DSCAML1: variants seen among roughly 807,000 people sequenced by gnomAD.
The protein encoded by DSCAML1 is DS cell adhesion molecule like 1, also known as cell adhesion molecule DSCAML1.
Under a neutral mutation model 200.5 loss-of-function variants are expected in DSCAML1, and 38 were observed. That is an observed-to-expected ratio of 0.19 (90% CI 0.15 to 0.25). The LOEUF (loss-of-function observed/expected upper bound fraction) is 0.25, where lower values mean the gene tolerates loss of function less well. Among genes scored for constraint, DSCAML1 ranks in the 10% least tolerant of loss-of-function variants. The pLI is 1.00. For synonymous variants in DSCAML1, 1,215 were observed against 1,165.0 expected, an observed-to-expected ratio of 1.04 and a Z score of -0.87; for missense variants, 2,223 against 2,858.8, an observed-to-expected ratio of 0.78 and a Z score of 5.07.
chr11:117,717,079 TA>T (rs1366708302), intron 3 of DSCAML1, among the ~76,000 whole-genome samples: 1 of 152,208 alleles, frequency 6.6e-6, no homozygotes, highest in Non-Finnish European at 1.5e-5. Flanking sequence ...TAGAGACTTC[TA>T]GGGGGAAGAA....
chr11:117,725,823 C>G (rs973990663), intron 3 of DSCAML1, among the ~76,000 whole-genome samples: 4 of 151,076 alleles, frequency 2.6e-5, no homozygotes, highest in African/African-American at 9.8e-5. Context: ...CAAAACAAAA[C>G]AAAACAAAAC....
intron 3 of DSCAML1, among the ~76,000 whole-genome samples, chr11:117,732,476 C>T (rs185173415): frequency 7.2e-5 from 11 of 152,268 alleles, no homozygotes; most frequent in Non-Finnish European, 1.2e-4. Context: ...GCCTGGCTGC[C>T]TCTATTATAA....
At chr11:117,528,388 C>T (rs1308172722) in intron 4 of DSCAML1, among the ~76,000 whole-genome samples, 1 of 152,230 alleles carries the variant, frequency 6.6e-6, no homozygotes, top group African/African-American at 2.4e-5. Context: ...AAACCTCTTC[C>T]ATTACTCCAG....
At chr11:117,462,935 CCT>C (rs1414838755) in intron 17 of DSCAML1, among the ~76,000 whole-genome samples, 2 of 152,236 alleles carry the variant, frequency 1.3e-5, no homozygotes, top group Non-Finnish European at 2.9e-5. Flanking sequence ...CTGATCTCTC[CCT>C]GTTGGAAATT....
intron 3 of DSCAML1, among the ~76,000 whole-genome samples, chr11:117,567,138 C>T (rs1327435247): frequency 2.0e-5 from 3 of 152,106 alleles, no homozygotes; most frequent in Admixed American, 2.0e-4. Context: ...GTTCTAGATC[C>T]CTGAGGAATC....
chr11:117,612,652 C>T (rs2051719859), intron 3 of DSCAML1, among the ~76,000 whole-genome samples: 1 of 152,240 alleles, frequency 6.6e-6, no homozygotes, highest in African/African-American at 2.4e-5. Context: ...CCTCCCCAGC[C>T]AGTGAGCCCT....
At chr11:117,798,256 A>G (rs1042339160), upstream of DSCAML1, among the ~76,000 whole-genome samples, 4 of 152,172 alleles carry the variant, frequency 2.6e-5, no homozygotes, top group African/African-American at 9.7e-5. Flanking sequence ...GGCAGACTCT[A>G]AGGTGTGGAG....
chr11:117,516,615 C>G lies in DSCAML1; in HGVS notation c.1635G>C (p.Leu545=). ...ACACCACCTGGCGGTGGTTGTCTGG[C>G]AGCAGCAGGGCATCCTTGTACCACT... ...SIKWYKDALL[L]PDNHRQVVFE... Residue 545 remains leucine, a synonymous_variant, in exon 8 of 33, where the codon CTG becomes CTC. Transcript: ENST00000651296. The surrounding 1 kb of genome is among the most constrained non-coding windows in gnomAD (Gnocchi z 5.7). The G allele has an allele frequency of 6.2e-7, 1 of 1,614,076 alleles. No homozygotes were observed. The highest frequency in any genetic ancestry group is 8.5e-7 in the Non-Finnish European group (1 of 1,180,018).
At chr11:117,541,883 C>T in intron 3 of DSCAML1, among the ~76,000 whole-genome samples, 1 of 140,530 alleles carries the variant, frequency 7.1e-6, no homozygotes, top group East Asian at 2.2e-4. Context: ...ACCTCTTCTT[C>T]GTTAGGTGAT....
chr11:117,518,781 C>T lies in DSCAML1; in HGVS notation c.1214-19G>A, dbSNP rs1259188965. ...GTGCCATCTGCAGGGAGCGAGAAGC[C>T]CCCTTCAGGGTCACCAAGCCATGGA... On this transcript the variant is annotated intron_variant, in intron 6 of 32. Coordinates refer to ENST00000651296, the MANE Select transcript of DSCAML1 (RefSeq NM_020693.4). This position sits in a 1 kb window ranked among gnomAD's most constrained non-coding sequence, Gnocchi z 6.3. 2 of 1,602,570 alleles carry T rather than the reference C, an allele frequency of 1.2e-6. No individual in the cohort carries two copies. Among genetic ancestry groups the T allele is most frequent in the Non-Finnish European group, 1.7e-6 (2 of 1,177,214 alleles).
chr11:117,596,349 G>C (rs1419791477), intron 3 of DSCAML1, among the ~76,000 whole-genome samples: 1 of 150,440 alleles, frequency 6.6e-6, no homozygotes, highest in Non-Finnish European at 1.5e-5. Context: ...GGAGTTCAGA[G>C]CATTTTCTGA....
chr11:117,623,740 C>T (rs879532577), intron 3 of DSCAML1, among the ~76,000 whole-genome samples: 7 of 152,182 alleles, frequency 4.6e-5, no homozygotes, highest in Non-Finnish European at 1.0e-4. Flanking sequence ...AGCCTGGCCC[C>T]TGCTATATAG....
At chr11:117,509,162 T>G (rs2137286936) in intron 8 of DSCAML1, among the ~76,000 whole-genome samples, 1 of 152,102 alleles carries the variant, frequency 6.6e-6, no homozygotes, top group African/African-American at 2.4e-5. Context: ...ATACAGATGC[T>G]GAGCTCAAGC....
intron 3 of DSCAML1, among the ~76,000 whole-genome samples, chr11:117,767,912 T>C (rs4936407): frequency 0.64 from 97,061 of 151,924 alleles, 33,827 homozygotes; most frequent in East Asian, 0.82. Flanking sequence ...TGCAGGTGCC[T>C]GCCGCGGGAC....
intron 3 of DSCAML1, among the ~76,000 whole-genome samples, chr11:117,755,521 C>G (rs1361200484): frequency 6.6e-6 from 1 of 152,176 alleles, no homozygotes; most frequent in Non-Finnish European, 1.5e-5. Flanking sequence ...GATTGTCATC[C>G]CTTTCCTACC....
chr11:117,588,727 C>T (rs968821141), intron 3 of DSCAML1, among the ~76,000 whole-genome samples: 1 of 152,130 alleles, frequency 6.6e-6, no homozygotes, highest in East Asian at 1.9e-4. Flanking sequence ...TCAGTGGGGC[C>T]AGTGGGGCAG....
At chr11:117,603,115 C>A (rs1056893476) in intron 3 of DSCAML1, among the ~76,000 whole-genome samples, 41 of 151,256 alleles carry the variant, frequency 2.7e-4, no homozygotes, top group Non-Finnish European at 5.2e-4. Flanking sequence ...ACAACAACAA[C>A]AACAAAAAAA....
Position 117,605,595 on chromosome 11 carries a change from G to A in DSCAML1, c.512-73073C>T, listed in dbSNP as rs1015611468. ...TGTTGGACTAGATTTCTCCATTTAG[G>A]TCAGGAGAGCCTGTGATGGGAGGAA... On this transcript the variant is annotated intron_variant, in intron 3 of 32. Coordinates refer to ENST00000651296, the MANE Select transcript of DSCAML1 (RefSeq NM_020693.4). 2.0e-4 allele frequency among the ~76,000 whole-genome samples: 30 copies of A among 152,370 alleles called. No homozygotes were observed. In the South Asian group the frequency reaches 6.2e-3, roughly 32 times the overall value.
chr11:117,639,651 G>A (rs2052362942), intron 3 of DSCAML1, among the ~76,000 whole-genome samples: 1 of 152,156 alleles, frequency 6.6e-6, no homozygotes, highest in Non-Finnish European at 1.5e-5. Flanking sequence ...GAGGGGAGGA[G>A]GGAAGGAGGA....
Sources: gnomAD v4.1 joint callset for allele counts (sites outside exome capture counted in the v4.1 genomes callset) on GRCh38, gnomAD v4.1.1 for gene constraint, Gnocchi (gnomAD v3.1) non-coding constraint, MANE v1.5 for transcripts, NCBI Gene and HGNC (gene_info 2026-07-23, HGNC 2026-07-21) for gene names.